AKAP10: variants seen among roughly 807,000 people sequenced by gnomAD.
AKAP10 encodes A-kinase anchor protein 10, mitochondrial.
In AKAP10, 24 loss-of-function variants were observed where a neutral mutation model predicts 80.8. The observed-to-expected ratio is 0.30, with a 90% CI of 0.22 to 0.42. The LOEUF (loss-of-function observed/expected upper bound fraction) is 0.42. AKAP10 is among the 10% of genes least tolerant of loss of function. The pLI, the probability that AKAP10 is intolerant of heterozygous loss-of-function variation, is 1.00. For missense variants in AKAP10, 661 were observed against 794.9 expected, an observed-to-expected ratio of 0.83 and a Z score of 2.03; for synonymous variants, 291 against 277.7, an observed-to-expected ratio of 1.05 and a Z score of -0.48.
In AKAP10 at chr17:19,947,595, T is replaced by C. The variant is rs2043148950; in HGVS notation, c.878-90A>G. The C allele has an allele frequency of 4.6e-6, 4 of 871,632 alleles. No homozygotes were observed. The South Asian group carries it at 5.6e-5, about 12-fold the overall frequency. The allele number at this position is 871,632 out of a possible 1,614,324, so 54.0% of individuals were successfully genotyped here. A position where few individuals can be genotyped will look rare whatever the true frequency, so the allele number is the denominator to read the frequency against. ...TCATGAATAGCAGGGCTTAGATCAC[T>C]GTGAGTTCCTATTGCAAAATAAACT... On this transcript the variant is annotated intron_variant, in intron 4 of 14. Coordinates refer to ENST00000225737, the MANE Select transcript of AKAP10 (RefSeq NM_007202.4).
At chr17:19,954,487 CTT>C (rs34866336) in intron 4 of AKAP10, among the ~76,000 whole-genome samples, 11 of 140,378 alleles carry the variant, frequency 7.8e-5, no homozygotes, top group Non-Finnish European at 7.7e-5. Context: ...AACCATAATA[CTT>C]TTTTTTTTTT....
intron 4 of AKAP10, among the ~76,000 whole-genome samples, chr17:19,950,725 C>G (rs1324828312): frequency 6.6e-6 from 1 of 152,156 alleles, no homozygotes. Flanking sequence ...TCTGCCCGGC[C>G]GCCACCCCGT....
At chr17:19,938,589 C>T (rs946276831) in intron 8 of AKAP10, among the ~76,000 whole-genome samples, 1 of 152,148 alleles carries the variant, frequency 6.6e-6, no homozygotes, top group African/African-American at 2.4e-5. Context: ...GACAGCCCAG[C>T]AAGAGCCCAC....
chr17:19,906,341 G>T (rs2096386459), intron 14 of AKAP10, 109 bp from the exon 15 acceptor site: 1 of 1,193,724 alleles, frequency 8.4e-7, no homozygotes, highest in Non-Finnish European at 1.2e-6. Context: ...ATATACCAGA[G>T]TTTAAGACAG....
intron 12 of AKAP10, among the ~76,000 whole-genome samples, chr17:19,916,764 C>T (rs566194061): frequency 3.2e-4 from 49 of 150,932 alleles, no homozygotes; most frequent in African/African-American, 1.1e-3. Flanking sequence ...GGTGAAACCC[C>T]GTCTCTTCTA....
chr17:19,910,035 T>G, intron 12 of AKAP10, 57 bp from the exon 13 acceptor site: 1 of 1,561,248 alleles, frequency 6.4e-7, no homozygotes, highest in African/African-American at 1.4e-5. Flanking sequence ...ACATTAAAAA[T>G]GCTCTTATTT....
intron 13 of AKAP10, 21 bp downstream of exon 13, chr17:19,909,905 T>A (rs143635673): frequency 6.2e-7 from 1 of 1,610,706 alleles, no homozygotes; most frequent in East Asian, 2.2e-5. Context: ...GAAATCTTTT[T>A]ATCCTAAAGG....
intron 4 of AKAP10, 61 bp from the exon 5 acceptor site, chr17:19,947,566 A>C: frequency 2.9e-6 from 3 of 1,039,156 alleles, no homozygotes; most frequent in Non-Finnish European, 4.5e-6. Flanking sequence ...GTAATGAATT[A>C]TATTCATGAA....
chr17:19,909,862 A>C (rs2042670102), intron 13 of AKAP10, 64 bp downstream of exon 13: 2 of 1,488,732 alleles, frequency 1.3e-6, no homozygotes, highest in East Asian at 4.6e-5. Context: ...AAAATTTTAA[A>C]CCTCACTTAC....
At chr17:19,946,259 ATATATATATATATATATTTTTTTTTT>A (rs2043122471) in intron 5 of AKAP10, among the ~76,000 whole-genome samples, 3 of 23,932 alleles carry the variant, frequency 1.3e-4, no homozygotes, top group African/African-American at 5.3e-4. Context: ...ATATATATAT[ATATATATATATATATATTTTTTTTTT>A]TTTTTTTTTT....
At position 19,943,409 on chromosome 17, in the gene AKAP10, A is replaced by G. The variant is rs554978618; in HGVS notation, c.977-1499T>C. ...AGGTTGAGCTGATCACCAATAGCCAATGATCAATCATGCCTATATAATGAA... is the reference window on the plus strand; with the variant it reads ...AGGTTGAGCTGATCACCAATAGCCAGTGATCAATCATGCCTATATAATGAA... On this transcript the variant is annotated intron_variant, in intron 5 of 14. Transcript: ENST00000225737. 9.2e-5 allele frequency among the ~76,000 whole-genome samples: 14 copies of G among 152,298 alleles called. No homozygotes were observed. The South Asian group carries it at 2.9e-3, about 32-fold the overall frequency.
At chr17:19,940,026 T>C (rs1294460646) in intron 7 of AKAP10, among the ~76,000 whole-genome samples, 177 bp from the exon 8 acceptor site, 1 of 152,194 alleles carries the variant, frequency 6.6e-6, no homozygotes, top group Non-Finnish European at 1.5e-5. Context: ...AGTTTTAAAG[T>C]ATTCTTTTAG....
rs79671894 is a variant in AKAP10 at position 19,965,856 on chromosome 17, C to CT, written c.136+2557dup. On this transcript the variant is annotated intron_variant, in intron 2 of 14. Transcript: ENST00000225737. ...GCACTATACGAGTTTCTCTATGTAC[C>CT]TTTTTTTTTTTTGGATATTATTTCA... Among the ~76,000 whole-genome samples the CT allele has an allele frequency of 2.4e-3, 341 of 143,960 alleles. 3 individuals carry two copies. Among genetic ancestry groups the CT allele is most frequent in the East Asian group, 5.6e-3 (28 of 5,020 alleles). The allele number at this position is 143,960 out of a possible 152,430, so 94.4% of individuals were successfully genotyped here.
rs1244227850 is a variant in AKAP10, at chr17:19,906,057, G to GTAAC, written c.*166_*169dup. ...TCATGTGCATCAATTATGCCTACAG[G>GTAAC]TAACTGCATTATGGTGGAAGTCTAG... On this transcript the variant is annotated 3_prime_UTR_variant, in exon 15 of 15. Coordinates refer to ENST00000225737, the MANE Select transcript of AKAP10 (RefSeq NM_007202.4). The GTAAC allele has an allele frequency of 4.6e-6, 3 of 651,600 alleles. No homozygotes were observed. The Admixed American group carries it at 8.7e-5, about 19-fold the overall frequency. The allele number at this position is 651,600 out of a possible 1,614,324, so 40.4% of individuals were successfully genotyped here.
At chr17:19,963,276 C>T (rs2043376081) in intron 2 of AKAP10, among the ~76,000 whole-genome samples, 1 of 144,956 alleles carries the variant, frequency 6.9e-6, no homozygotes, top group African/African-American at 2.6e-5. Flanking sequence ...AGTGCAGTGG[C>T]ATGACCTCGG....
chr17:19,923,568 G>A (rs918581494), intron 11 of AKAP10, among the ~76,000 whole-genome samples: 8 of 151,544 alleles, frequency 5.3e-5, no homozygotes, highest in African/African-American at 7.3e-5. Context: ...GCTCCACTGC[G>A]CAGGCTGGAG....
chr17:19,951,267 G>A (rs1458981664), intron 4 of AKAP10, among the ~76,000 whole-genome samples: 7 of 150,818 alleles, frequency 4.6e-5, no homozygotes, highest in East Asian at 3.9e-4. Context: ...CGCCCCATCC[G>A]GGAGGGAGGT....
intron 10 of AKAP10, among the ~76,000 whole-genome samples, chr17:19,927,627 T>C (rs557695721): frequency 1.7e-4 from 26 of 150,948 alleles, no homozygotes; most frequent in Non-Finnish European, 3.5e-4. Context: ...AATGAGAAAA[T>C]TGGCTGGGCC....
At position 19,958,373 on chromosome 17, in the gene AKAP10, CTG is replaced by C. The variant is rs1271455765; in HGVS notation, c.516_517del (p.His172GlnfsTer12). 6.2e-7 allele frequency: 1 copy of C among 1,614,208 alleles called. No homozygotes were observed. The highest frequency in any genetic ancestry group is 2.2e-5 in the East Asian group (1 of 44,888). On this transcript the variant is annotated frameshift_variant, in exon 4 of 15. Transcript: ENST00000225737. LOFTEE classifies it high-confidence loss of function. ...TGAGCTCTGCTTCACTGTGTTTAGA[CTG>C]TGTGCTCTTATTCGCGACCAAGTTG...
Sources: allele counts gnomAD v4.1 joint callset (sites outside exome capture counted in the v4.1 genomes callset), GRCh38; gene constraint gnomAD v4.1.1; transcripts MANE v1.5; gene names NCBI Gene and HGNC (gene_info 2026-07-23, HGNC 2026-07-21).